The following CCDC15 variants were observed in gnomAD, a reference collection of about 807,000 sequenced individuals.
CCDC15 encodes coiled-coil domain containing 15, also known as coiled-coil domain-containing protein 15.
CCDC15 carries 105 observed loss-of-function variants against 114.5 expected under a neutral mutation model. The observed-to-expected ratio is 0.92, with a 90% CI of 0.78 to 1.08. The LOEUF (loss-of-function observed/expected upper bound fraction) is 1.08. CCDC15 is among the 50% of genes least tolerant of loss of function. CCDC15 has a pLI of 0.00. For missense variants in CCDC15, 1,105 were observed against 1,093.6 expected, an observed-to-expected ratio of 1.01 and a Z score of -0.15; for synonymous variants, 334 against 377.8, an observed-to-expected ratio of 0.88 and a Z score of 1.34.
chr11:125,037,931 T>G (rs1948787099), intron 13 of CCDC15: 1 of 151,980 alleles, frequency 6.6e-6, no homozygotes, highest in African/African-American at 2.4e-5. Flanking sequence ...TTTTTTTTTT[T>G]TTTGAGATAT....
chr11:124,996,404 A>G (rs757063201), intron 11 of CCDC15, among the ~76,000 whole-genome samples: 3 of 152,180 alleles, frequency 2.0e-5, no homozygotes, highest in Non-Finnish European at 4.4e-5. Context: ...CTCAGAGGAA[A>G]AGTTTTCTCT....
At chr11:125,025,526 T>C (rs1233756843) in intron 13 of CCDC15, among the ~76,000 whole-genome samples, 1 of 151,938 alleles carries the variant, frequency 6.6e-6, no homozygotes, top group Non-Finnish European at 1.5e-5. Flanking sequence ...TTGGTAGAAT[T>C]TGGCAGTGAA....
chr11:124,979,790 A>G (rs976957048), intron 6 of CCDC15, among the ~76,000 whole-genome samples: 2 of 152,046 alleles, frequency 1.3e-5, no homozygotes, highest in Non-Finnish European at 2.9e-5. Flanking sequence ...TCTGGCTAGC[A>G]CTTCTAGTAC....
chr11:125,028,179 G>A lies in CCDC15; in HGVS notation c.2412-10252G>A, dbSNP rs144851918. 1.8e-3 allele frequency among the ~76,000 whole-genome samples: 271 copies of A among 152,332 alleles called. 1 individual carries two copies. The highest frequency in any genetic ancestry group is 6.0e-3 in the African/African-American group (250 of 41,568). The stretch of plus-strand genomic sequence containing the variant: ...TAACTATAGCTTTGTAGTATAGTTT[G>A]AAGTTGGATAATGTGATGCCTCCAG... On this transcript the variant is annotated intron_variant, in intron 13 of 15. Transcript: ENST00000344762.
At chr11:125,001,165 G>A (rs1375123701) in intron 11 of CCDC15, among the ~76,000 whole-genome samples, 7 of 152,200 alleles carry the variant, frequency 4.6e-5, no homozygotes, top group Non-Finnish European at 8.8e-5. Flanking sequence ...GCAAAAACTT[G>A]GCACCAAATA....
chr11:125,004,066 A>G, intron 12 of CCDC15, 107 bp downstream of exon 12: 1 of 508,978 alleles, frequency 2.0e-6, no homozygotes, highest in Non-Finnish European at 3.3e-6. Context: ...AAGAGCTAAT[A>G]CCACAAATTT....
chr11:125,025,465 G>T (rs1948695037), intron 13 of CCDC15, among the ~76,000 whole-genome samples: 1 of 151,814 alleles, frequency 6.6e-6, no homozygotes, highest in Non-Finnish European at 1.5e-5. Flanking sequence ...CTCCTCTTCA[G>T]TTTTATTGAA....
At chr11:125,033,857 A>G (rs529950279) in intron 13 of CCDC15, among the ~76,000 whole-genome samples, 9 of 152,334 alleles carry the variant, frequency 5.9e-5, no homozygotes, top group African/African-American at 1.9e-4. Flanking sequence ...TGTTCCTTCT[A>G]TCATCATCCC....
chr11:124,976,617 C>T (rs1014611963), intron 5 of CCDC15, among the ~76,000 whole-genome samples: 1 of 151,868 alleles, frequency 6.6e-6, no homozygotes, highest in African/African-American at 2.4e-5. Context: ...ACACTTTCTA[C>T]TAAATCAGAA....
At chr11:124,991,373 C>T (rs4936967) in intron 8 of CCDC15, 88 bp from the exon 9 acceptor site, 318,758 of 851,296 alleles carry the variant, frequency 0.37, 64,744 homozygotes, top group East Asian at 0.71. Flanking sequence ...AAAAACTACC[C>T]TTTGGCCTTC....
chr11:124,957,154 G>T (rs1256979793), intron 2 of CCDC15, among the ~76,000 whole-genome samples: 1 of 152,164 alleles, frequency 6.6e-6, no homozygotes, highest in Admixed American at 6.5e-5. Flanking sequence ...ATTTGAGCAG[G>T]GTACAGTGGT....
At chr11:124,957,321 A>G (rs1009094078) in intron 2 of CCDC15, among the ~76,000 whole-genome samples, 2 of 152,206 alleles carry the variant, frequency 1.3e-5, no homozygotes, top group Non-Finnish European at 2.9e-5. Context: ...TGTAATGTCC[A>G]AGATGGCTTT....
chr11:124,968,289 G>C (rs528021260), intron 4 of CCDC15, among the ~76,000 whole-genome samples: 1 of 151,994 alleles, frequency 6.6e-6, no homozygotes, highest in Non-Finnish European at 1.5e-5. Context: ...GACAGGCCTC[G>C]TTGAGCTGCA....
chr11:124,984,692 G>A (rs1189830302), intron 6 of CCDC15, among the ~76,000 whole-genome samples: 1 of 152,166 alleles, frequency 6.6e-6, no homozygotes, highest in African/African-American at 2.4e-5. Flanking sequence ...CCAGAGGTCT[G>A]TGGAGTGAGC....
chr11:124,976,567 A>G (rs1012462423), intron 5 of CCDC15, among the ~76,000 whole-genome samples: 3 of 152,080 alleles, frequency 2.0e-5, no homozygotes, highest in African/African-American at 7.2e-5. Context: ...AGTTTGGGCC[A>G]TTAGACTGAC....
intron 11 of CCDC15, among the ~76,000 whole-genome samples, chr11:124,999,566 G>A (rs987538265): frequency 1.3e-5 from 2 of 151,270 alleles, no homozygotes; most frequent in African/African-American, 4.9e-5. Context: ...AGTCTATCCA[G>A]TGAAATTTTG....
intron 13 of CCDC15, among the ~76,000 whole-genome samples, chr11:125,023,403 A>G (rs2135537005): frequency 6.6e-6 from 1 of 152,136 alleles, no homozygotes; most frequent in African/African-American, 2.4e-5. Flanking sequence ...ATATCTGATA[A>G]GGGACTTATG....
chr11:124,988,856 G>C (rs1388908203), intron 8 of CCDC15, among the ~76,000 whole-genome samples: 3 of 152,054 alleles, frequency 2.0e-5, no homozygotes, highest in Non-Finnish European at 2.9e-5. Context: ...ACATCTTCAG[G>C]CTCCACTTCT....
chr11:124,973,625 T>G (rs1473262897), intron 4 of CCDC15, among the ~76,000 whole-genome samples: 1 of 151,892 alleles, frequency 6.6e-6, no homozygotes, highest in Admixed American at 6.6e-5. Context: ...GCCATAAAAT[T>G]TATTTTATTT....
Sources: gnomAD v4.1 joint callset for allele counts (sites outside exome capture counted in the v4.1 genomes callset) on GRCh38, gnomAD v4.1.1 for gene constraint, MANE v1.5 for transcripts, NCBI Gene and HGNC (gene_info 2026-07-23, HGNC 2026-07-21) for gene names.